The following WIPF3 variants were observed in gnomAD, a reference collection of about 807,000 sequenced individuals.
WIPF3 encodes the protein WAS/WASL interacting protein family member 3.
WIPF3 carries 33 observed loss-of-function variants against 38.9 expected under a neutral mutation model. That is an observed-to-expected ratio of 0.85 (90% CI 0.64 to 1.14). WIPF3 has a LOEUF of 1.14. Ranked by LOEUF, WIPF3 falls within the 50% of genes most tolerant of loss-of-function variation. WIPF3 has a pLI of 0.00. For synonymous variants in WIPF3, 324 were observed against 269.3 expected (o/e 1.20, Z -1.99); for missense variants, 711 against 652.5 (o/e 1.09, Z -0.98).
In WIPF3 at chr7:29,860,881, A is replaced by G. The variant is rs181537617; in HGVS notation, c.91-14949A>G. Among the ~76,000 whole-genome samples the G allele has an allele frequency of 2.4e-3, 372 of 152,266 alleles. 4 individuals are homozygous for G. Among genetic ancestry groups the G allele is most frequent in the Non-Finnish European group, 3.7e-3 (254 of 68,028 alleles). On this transcript the variant is annotated intron_variant, in intron 2 of 8. Coordinates refer to ENST00000242140, the MANE Select transcript of WIPF3 (RefSeq NM_001080529.3). ...GAAAGATATTATTGAGCTCTGTATCACAATAGGAGTAAGAGATGCATAGGA... is the reference window on the plus strand; with the variant it reads ...GAAAGATATTATTGAGCTCTGTATCGCAATAGGAGTAAGAGATGCATAGGA...
intron 1 of WIPF3, among the ~76,000 whole-genome samples, chr7:29,833,581 A>G (rs952847244): frequency 6.6e-6 from 1 of 152,256 alleles, no homozygotes; most frequent in African/African-American, 2.4e-5. Context: ...TCAGTGGACT[A>G]TGCTAACAAG....
Position 29,884,362 on chromosome 7 carries a change from C to A in WIPF3, c.868C>A (p.Pro290Thr). The stretch of plus-strand genomic sequence containing the variant: ...CCCTGCGCAAGATGCGCAGGAGCCT[C>A]CCGCCCCGCCGCCCCCGCTCCCCCC... ...ASPAQDAQEP[P>T]APPPPLPPYA... is the part of the protein sequence containing the mutation. The change falls in exon 5 of 9, where the codon CCC (proline) becomes ACC (threonine). Residue 290 changes from proline (P) to threonine (T), a missense_variant. By Grantham distance (38) the Pro-to-Thr change is conservative. Transcript: ENST00000242140. The A allele has an allele frequency of 1.7e-5, 23 of 1,345,298 alleles. No homozygotes were observed. Among genetic ancestry groups the A allele is most frequent in the East Asian group, 2.9e-5 (1 of 34,884 alleles). 83.3% of individuals were successfully genotyped at this position (1,345,298 alleles called of 1,614,324 possible).
At chr7:29,822,166 C>G (rs540998347) in intron 1 of WIPF3, among the ~76,000 whole-genome samples, 15 of 34,906 alleles carry the variant, frequency 4.3e-4, no homozygotes, top group Admixed American at 2.2e-3. Flanking sequence ...TATACTGGTT[C>G]TCTTTTTCAT....
intron 1 of WIPF3, among the ~76,000 whole-genome samples, chr7:29,817,602 T>C (rs940264684): frequency 6.6e-6 from 1 of 152,150 alleles, no homozygotes; most frequent in Non-Finnish European, 1.5e-5. Flanking sequence ...TTGAATAACT[T>C]ATCTTTTCCC....
intron 2 of WIPF3, among the ~76,000 whole-genome samples, chr7:29,867,198 C>G (rs191039412): frequency 6.6e-6 from 1 of 152,172 alleles, no homozygotes; most frequent in South Asian, 2.1e-4. Flanking sequence ...GCCAAAGTCA[C>G]CGCTGTGTGC....
chr7:29,883,851 T>C lies in WIPF3; in HGVS notation c.357T>C (p.Gly119=), dbSNP rs763146925. The C allele has an allele frequency of 3.1e-5, 48 of 1,527,244 alleles. No homozygotes were observed. The South Asian group carries it at 5.9e-4, about 19-fold the overall frequency. The allele number at this position is 1,527,244 out of a possible 1,614,324, so 94.6% of individuals were successfully genotyped here. A position where few individuals can be genotyped will look rare whatever the true frequency, so the allele number is the denominator to read the frequency against. The change falls in exon 5 of 9, where the codon GGT becomes GGC. Residue 119 remains glycine (G), a splice_region_variant and synonymous_variant. Transcript: ENST00000242140. ...ACCCAGAATCTCTTTCACTTCCAGGTGGCAAGACAGGGCAGGGCCCTGGCT... is the reference window on the plus strand; with the variant it reads ...ACCCAGAATCTCTTTCACTTCCAGGCGGCAAGACAGGGCAGGGCCCTGGCT... The part of the protein sequence containing the change: ...LRPAGQRDVA[G]GKTGQGPGSR...
chr7:29,883,137 A>G (rs1237621566), intron 4 of WIPF3, among the ~76,000 whole-genome samples: 3 of 152,202 alleles, frequency 2.0e-5, no homozygotes, highest in Non-Finnish European at 2.9e-5. Flanking sequence ...TTGAATTTAA[A>G]AGAGGAATTG....
chr7:29,870,708 T>C (rs1785479559), intron 2 of WIPF3, among the ~76,000 whole-genome samples: 3 of 152,224 alleles, frequency 2.0e-5, no homozygotes, highest in Non-Finnish European at 4.4e-5. Context: ...GAATCAGCTC[T>C]GTGCTCCAGG....
intron 2 of WIPF3, among the ~76,000 whole-genome samples, chr7:29,847,211 C>T (rs571276791): frequency 7.2e-5 from 11 of 152,228 alleles, no homozygotes; most frequent in African/African-American, 1.4e-4. Flanking sequence ...ATAAATAACC[C>T]GATCTTGGAC....
intron 7 of WIPF3, among the ~76,000 whole-genome samples, chr7:29,900,713 C>G (rs1024275711): frequency 6.6e-6 from 1 of 152,214 alleles, no homozygotes; most frequent in African/African-American, 2.4e-5. Flanking sequence ...CCTTTGAGGT[C>G]AGACAGCCCA....
chr7:29,912,479 A>G lies in WIPF3; in HGVS notation c.1429-2014A>G, dbSNP rs533612779. 24 of 179,986 alleles carry G rather than the reference A, an allele frequency of 1.3e-4. 1 individual carries two copies. The South Asian group carries it at 2.5e-3, about 19-fold the overall frequency. The allele number at this position is 179,986 out of a possible 1,614,324, so 11.1% of individuals were successfully genotyped here. On this transcript the variant is annotated intron_variant, in intron 8 of 8. Transcript: ENST00000242140. ...GCCTGGAAGAGATATTTGTACACCC[A>G]TGTTCATAGCAGCATTATTTACAAT...
intron 1 of WIPF3, among the ~76,000 whole-genome samples, chr7:29,811,949 T>G (rs1436813678): frequency 6.6e-6 from 1 of 152,196 alleles, no homozygotes; most frequent in Non-Finnish European, 1.5e-5. Flanking sequence ...CTTTAAGAAC[T>G]TTGGCTCTGG....
At chr7:29,813,428 G>A (rs1190428822) in intron 1 of WIPF3, among the ~76,000 whole-genome samples, 2 of 152,142 alleles carry the variant, frequency 1.3e-5, no homozygotes, top group African/African-American at 4.8e-5. Context: ...CCAAGCCACA[G>A]CACCCATGCA....
At chr7:29,854,111 G>A (rs191858686) in intron 2 of WIPF3, among the ~76,000 whole-genome samples, 34 of 152,278 alleles carry the variant, frequency 2.2e-4, no homozygotes, top group African/African-American at 7.5e-4. Context: ...TGAGGCACCC[G>A]GCCTTTGGAG....
rs369417219 is a variant in WIPF3, at chr7:29,833,689, A to G, written c.-57-979A>G. Among the ~76,000 whole-genome samples the G allele has an allele frequency of 1.5e-4, 23 of 152,378 alleles. No homozygotes were observed. The South Asian group carries it at 4.3e-3, about 29-fold the overall frequency. On this transcript the variant is annotated intron_variant, in intron 1 of 8. Coordinates refer to ENST00000242140, the MANE Select transcript of WIPF3 (RefSeq NM_001080529.3). The stretch of plus-strand genomic sequence containing the variant: ...CACAGGATTTTAAAGATGAAAAAAC[A>G]TAGGGACAGGCCTTGTTCTGGTCCT...
intron 2 of WIPF3, among the ~76,000 whole-genome samples, chr7:29,869,132 A>G (rs34755463): frequency 0.11 from 16,790 of 151,780 alleles, 998 homozygotes; most frequent in African/African-American, 0.15. Flanking sequence ...CGGGTTCAAG[A>G]GATTCTCCTG....
chr7:29,873,775 C>A (rs1012082028), intron 2 of WIPF3, among the ~76,000 whole-genome samples: 3 of 152,144 alleles, frequency 2.0e-5, no homozygotes, highest in Non-Finnish European at 2.9e-5. Context: ...GACTTTGAAG[C>A]CTATGCCCTT....
chr7:29,861,679 T>C (rs1038996232), intron 2 of WIPF3, among the ~76,000 whole-genome samples: 2 of 152,198 alleles, frequency 1.3e-5, no homozygotes, highest in African/African-American at 4.8e-5. Context: ...TTGTGCTTAA[T>C]AGAAGAAGAA....
intron 2 of WIPF3, among the ~76,000 whole-genome samples, chr7:29,864,805 T>C (rs936370003): frequency 6.6e-6 from 1 of 152,192 alleles, no homozygotes; most frequent in Admixed American, 6.5e-5. Context: ...TCGCCCAGCT[T>C]CTTAGACGTT....
Sources: gnomAD v4.1 joint callset for allele counts (sites outside exome capture counted in the v4.1 genomes callset) on GRCh38, gnomAD v4.1.1 for gene constraint, MANE v1.5 for transcripts, NCBI Gene and HGNC (gene_info 2026-07-23, HGNC 2026-07-21) for gene names.